Variants in EHMT1 observed in about 807,000 individuals in gnomAD.
EHMT1 encodes histone-lysine N-methyltransferase EHMT1.
A neutral mutation model predicts 147.2 loss-of-function variants in EHMT1; 15 were observed. The observed-to-expected ratio is 0.10, with a 90% CI of 0.07 to 0.16. The LOEUF is 0.16. Among genes scored for constraint, EHMT1 ranks in the 10% least tolerant of loss-of-function variants. EHMT1 has a pLI of 1.00. For missense variants in EHMT1, 1,587 were observed against 1,772.4 expected (o/e 0.90, Z 1.88); for synonymous variants, 795 against 709.6 (o/e 1.12, Z -1.91).
At chr9:137,737,708 TTGTTTCCC>T (rs1947661681) in intron 4 of EHMT1, among the ~76,000 whole-genome samples, 3 of 152,222 alleles carry the variant, frequency 2.0e-5, no homozygotes, top group African/African-American at 4.8e-5. Context: ...TTCTATCTCC[TTGTTTCCC>T]TGTTTCCCTG....
chr9:137,621,335 G>A (rs1187965272), intron 1 of EHMT1, among the ~76,000 whole-genome samples: 1 of 152,152 alleles, frequency 6.6e-6, no homozygotes, highest in Non-Finnish European at 1.5e-5. Flanking sequence ...TAATAAAGCT[G>A]ACACTGGAAA....
chr9:137,739,285 G>A (rs1588457878), intron 4 of EHMT1, among the ~76,000 whole-genome samples: 1 of 151,686 alleles, frequency 6.6e-6, no homozygotes, highest in South Asian at 2.1e-4. Context: ...GAACCCAGGA[G>A]GCGGAGCTTG....
intron 16 of EHMT1, among the ~76,000 whole-genome samples, chr9:137,798,345 T>G (rs1588767900): frequency 6.6e-6 from 1 of 151,816 alleles, no homozygotes. Flanking sequence ...GAGGCTGTGG[T>G]GAGCTGTGAT....
chr9:137,750,256 A>AT (rs2136157005), intron 6 of EHMT1, among the ~76,000 whole-genome samples: 1 of 109,204 alleles, frequency 9.2e-6, no homozygotes, highest in Non-Finnish European at 1.7e-5. Context: ...ATTTTTAAAG[A>AT]TTTTCTCTAG....
In EHMT1 at chr9:137,811,364, C is replaced by T. The variant is rs1489757170; in HGVS notation, c.2713-97C>T. The T allele has an allele frequency of 1.9e-6, 3 of 1,568,806 alleles. No homozygotes were observed. In the African/African-American group the frequency reaches 4.0e-5, roughly 21 times the overall value. ...CGGACGGCCACGCATGCTCCAGAGC[C>T]TCTCCCCGGGCACATGGGCTGCAGC... On this transcript the variant is annotated intron_variant, in intron 18 of 26. Coordinates refer to ENST00000460843, the MANE Select transcript of EHMT1 (RefSeq NM_024757.5).
chr9:137,634,765 C>T (rs1261910706), intron 1 of EHMT1, among the ~76,000 whole-genome samples: 29 of 144,000 alleles, frequency 2.0e-4, no homozygotes, highest in Middle Eastern at 3.6e-3. Flanking sequence ...TGCCGTGGTG[C>T]GATCTCAGCT....
intron 2 of EHMT1, chr9:137,715,779 G>A (rs1945158270): frequency 1.0e-6 from 1 of 985,324 alleles, no homozygotes; most frequent in South Asian, 4.7e-5. Context: ...CCCTTTTTCT[G>A]ACCCATTTTC....
intron 1 of EHMT1, among the ~76,000 whole-genome samples, chr9:137,639,771 G>A (rs1368575776): frequency 2.0e-5 from 3 of 152,058 alleles, no homozygotes. Flanking sequence ...TCATATATAT[G>A]TATTTTTCTT....
chr9:137,749,447 T>A (rs904270175), intron 6 of EHMT1, among the ~76,000 whole-genome samples: 1 of 152,108 alleles, frequency 6.6e-6, no homozygotes, highest in Non-Finnish European at 1.5e-5. Flanking sequence ...AATTTTTTTT[T>A]TTAATTAATT....
chr9:137,804,648 C>T (rs186923236), intron 18 of EHMT1, among the ~76,000 whole-genome samples: 81 of 152,242 alleles, frequency 5.3e-4, no homozygotes, highest in African/African-American at 1.8e-3. Context: ...GAAATCACTG[C>T]CTAATCTGAG....
chr9:137,821,602 G>A (rs969614915), intron 25 of EHMT1, among the ~76,000 whole-genome samples: 1 of 152,102 alleles, frequency 6.6e-6, no homozygotes, highest in African/African-American at 2.4e-5. Flanking sequence ...AAAGCACTGG[G>A]ATTGCAGGAG....
At chr9:137,641,856 G>A (rs892018283) in intron 1 of EHMT1, among the ~76,000 whole-genome samples, 3 of 150,682 alleles carry the variant, frequency 2.0e-5, no homozygotes, top group South Asian at 2.1e-4. Context: ...ATGGAGTCTC[G>A]CTCTGTCACC....
chr9:137,707,637 T>C (rs1031634952), intron 1 of EHMT1, among the ~76,000 whole-genome samples: 6 of 152,252 alleles, frequency 3.9e-5, no homozygotes, highest in African/African-American at 1.4e-4. Flanking sequence ...TGGTGGATGA[T>C]TCTAGACATT....
At position 137,828,931 on chromosome 9, in the gene EHMT1, A is replaced by G. The variant is rs1288441258; in HGVS notation, c.3541-5418A>G. 6.6e-6 allele frequency among the ~76,000 whole-genome samples: 1 copy of G among 152,124 alleles called. No homozygotes were observed. Among genetic ancestry groups the G allele is most frequent in the African/African-American group, 2.4e-5 (1 of 41,436 alleles). On this transcript the variant is annotated intron_variant, in intron 25 of 26. Transcript: ENST00000460843. The surrounding 1 kb of genome is among the most constrained non-coding windows in gnomAD (Gnocchi z 5.3). Reference sequence around the variant, plus strand: ...GCTAGGAATCCTGGGAAGAGCCCAGATGGGCCTGGCCCTCCCAGATGGCCT... The same window carrying G: ...GCTAGGAATCCTGGGAAGAGCCCAGGTGGGCCTGGCCCTCCCAGATGGCCT...
intron 26 of EHMT1, 121 bp from the exon 27 acceptor site, chr9:137,834,652 C>T (rs1956475279): frequency 6.3e-7 from 1 of 1,592,348 alleles, no homozygotes; most frequent in South Asian, 1.1e-5. Flanking sequence ...CTAAAAACTG[C>T]GACCTGGGAT....
intron 3 of EHMT1, among the ~76,000 whole-genome samples, chr9:137,718,496 G>C (rs1353717006): frequency 6.6e-6 from 1 of 152,188 alleles, no homozygotes; most frequent in Non-Finnish European, 1.5e-5. Flanking sequence ...TCACAGCCCT[G>C]TCAATTGGAG....
At chr9:137,745,826 TCCTTCCA>T (rs1462391794) in intron 6 of EHMT1, 1 of 311,222 alleles carries the variant, frequency 3.2e-6, no homozygotes, top group Non-Finnish European at 5.8e-6. Flanking sequence ...TCTGACTGTA[TCCTTCCA>T]CCTGCAGAGA....
intron 1 of EHMT1, among the ~76,000 whole-genome samples, chr9:137,704,172 C>G (rs780681215): frequency 1.3e-5 from 2 of 152,172 alleles, no homozygotes; most frequent in Non-Finnish European, 2.9e-5. Context: ...CAGGCCCCTC[C>G]CCCAATATTC....
intron 16 of EHMT1, among the ~76,000 whole-genome samples, chr9:137,797,115 G>C (rs922411287): frequency 6.6e-6 from 1 of 152,108 alleles, no homozygotes; most frequent in Non-Finnish European, 1.5e-5. Flanking sequence ...ATAACTTCTC[G>C]GAAGGAGGCA....
Sources: allele counts gnomAD v4.1 joint callset (sites outside exome capture counted in the v4.1 genomes callset), GRCh38; gene constraint gnomAD v4.1.1; non-coding constraint Gnocchi (gnomAD v3.1); transcripts MANE v1.5; gene names NCBI Gene and HGNC (gene_info 2026-07-23, HGNC 2026-07-21).